ITGB3: variants seen among roughly 807,000 people sequenced by gnomAD.
The protein encoded by ITGB3 is integrin subunit beta 3.
In ITGB3, 48 loss-of-function variants were observed where a neutral mutation model predicts 85.8. That is an observed-to-expected ratio of 0.56 (90% CI 0.44 to 0.71). The LOEUF is 0.71. Ranked by LOEUF, ITGB3 falls within the 30% of genes least tolerant of loss-of-function variation. ITGB3 has a pLI of 0.00. For synonymous variants in ITGB3, 363 were observed against 395.6 expected, an observed-to-expected ratio of 0.92 and a Z score of 0.98; for missense variants, 861 against 1,019.1, an observed-to-expected ratio of 0.84 and a Z score of 2.11.
At chr17:47,296,609 G>A (rs1476187967) in intron 10 of ITGB3, among the ~76,000 whole-genome samples, 1 of 152,132 alleles carries the variant, frequency 6.6e-6, no homozygotes, top group East Asian at 1.9e-4. Flanking sequence ...CAACTGGGAG[G>A]AAGGAGCTAT....
In ITGB3 at chr17:47,303,158, G is replaced by A. The variant is rs182272524; in HGVS notation, c.2134+318G>A. Among the ~76,000 whole-genome samples the A allele has an allele frequency of 6.9e-3, 1,052 of 152,234 alleles. 15 individuals carry two copies. Among genetic ancestry groups the A allele is most frequent in the African/African-American group, 0.024 (1,017 of 41,534 alleles). ...CCAGCTCCTTGGGAGGCTGAGGCAG[G>A]AGACTCACTTGAACCCGGGAGGCAC... On this transcript the variant is annotated intron_variant, in intron 13 of 14. Transcript: ENST00000559488.
intron 14 of ITGB3, among the ~76,000 whole-genome samples, chr17:47,308,791 G>A (rs9674670): frequency 0.46 from 69,422 of 152,086 alleles, 16,227 homozygotes; most frequent in African/African-American, 0.48. Context: ...GAGCCACTGC[G>A]CCTGGCTAAG....
At chr17:47,298,930 G>A (rs745791077) in intron 10 of ITGB3, among the ~76,000 whole-genome samples, 7 of 152,200 alleles carry the variant, frequency 4.6e-5, no homozygotes, top group Non-Finnish European at 2.9e-5. Context: ...AAACTAGAAG[G>A]GCTAAAGAGC....
intron 1 of ITGB3, among the ~76,000 whole-genome samples, chr17:47,254,861 C>G (rs1019319450): frequency 6.6e-6 from 1 of 152,182 alleles, no homozygotes; most frequent in Non-Finnish European, 1.5e-5. Context: ...CTGGGGCCGC[C>G]TCTGCCTCAG....
intron 1 of ITGB3, among the ~76,000 whole-genome samples, chr17:47,256,567 A>G (rs1311469081): frequency 6.6e-6 from 1 of 151,610 alleles, no homozygotes; most frequent in African/African-American, 2.4e-5. Flanking sequence ...GGGGAAGCAG[A>G]TGGTGGGATG....
chr17:47,271,271 A>G (rs2065043422), intron 1 of ITGB3, among the ~76,000 whole-genome samples: 2 of 152,102 alleles, frequency 1.3e-5, no homozygotes, highest in Admixed American at 6.6e-5. Context: ...ATTCTGTTAG[A>G]CCTCCTGTCC....
intron 2 of ITGB3, among the ~76,000 whole-genome samples, chr17:47,275,535 CACA>C (rs757189876): frequency 2.6e-5 from 4 of 152,234 alleles, no homozygotes; most frequent in Non-Finnish European, 5.9e-5. Context: ...TCCTCTGTCC[CACA>C]ACAAGTCCCA....
At chr17:47,278,081 C>T (rs1567762826) in intron 2 of ITGB3, among the ~76,000 whole-genome samples, 1 of 152,140 alleles carries the variant, frequency 6.6e-6, no homozygotes, top group Non-Finnish European at 1.5e-5. Context: ...AACAAAAATG[C>T]TTCATGTTCC....
chr17:47,272,405 CT>C (rs908153657), intron 1 of ITGB3, among the ~76,000 whole-genome samples: 19 of 151,506 alleles, frequency 1.3e-4, no homozygotes, highest in African/African-American at 4.4e-4. Context: ...AATTATTTCC[CT>C]TTTTTTTGAG....
intron 1 of ITGB3, among the ~76,000 whole-genome samples, chr17:47,266,969 G>A (rs1039773506): frequency 3.3e-5 from 5 of 152,190 alleles, no homozygotes; most frequent in South Asian, 2.1e-4. Flanking sequence ...ACGCTCCCAC[G>A]ACTCCTTCTG....
chr17:47,291,329 A>G, intron 9 of ITGB3: 1 of 605,510 alleles, frequency 1.7e-6, no homozygotes, highest in South Asian at 2.0e-5. Flanking sequence ...AATTTGAAAA[A>G]CTTACAATTT....
At chr17:47,263,519 T>A (rs2143039309) in intron 1 of ITGB3, among the ~76,000 whole-genome samples, 1 of 123,870 alleles carries the variant, frequency 8.1e-6, no homozygotes, top group South Asian at 2.9e-4. Flanking sequence ...AGGCAGAGTC[T>A]CACTCCATCA....
chr17:47,308,253 A>G (rs1006074793), intron 14 of ITGB3, among the ~76,000 whole-genome samples: 43 of 151,810 alleles, frequency 2.8e-4, no homozygotes, highest in African/African-American at 1.0e-3. Flanking sequence ...TTCCAATTAA[A>G]TAAGCATTTA....
At chr17:47,261,385 T>C (rs994311905) in intron 1 of ITGB3, among the ~76,000 whole-genome samples, 1 of 152,074 alleles carries the variant, frequency 6.6e-6, no homozygotes, top group African/African-American at 2.4e-5. Context: ...TACCAGTTCC[T>C]TGTAGTCTTG....
chr17:47,289,653 T>C (rs2065117568), intron 6 of ITGB3, 28 bp from the exon 7 acceptor site: 1 of 1,517,264 alleles, frequency 6.6e-7, no homozygotes, highest in East Asian at 2.3e-5. Context: ...TGAGACGTCA[T>C]TAACCTCTAC....
chr17:47,287,342 T>G (rs1598691566), intron 6 of ITGB3, 111 bp downstream of exon 6: 5 of 1,285,268 alleles, frequency 3.9e-6, no homozygotes, highest in Non-Finnish European at 5.5e-6. Context: ...CTGGGCAGGG[T>G]GCAGGGCTCG....
chr17:47,298,752 A>G (rs529066309), intron 10 of ITGB3, among the ~76,000 whole-genome samples: 13 of 152,310 alleles, frequency 8.5e-5, no homozygotes, highest in African/African-American at 3.1e-4. Flanking sequence ...GATGACGACA[A>G]TGGTAGTAGG....
chr17:47,284,842 A>C, intron 4 of ITGB3, 147 bp downstream of exon 4: 2 of 1,105,240 alleles, frequency 1.8e-6, no homozygotes, highest in South Asian at 2.7e-5. Context: ...CCTGTTTGGC[A>C]AATGGGCTAG....
rs559147730 is a variant in ITGB3, at chr17:47,291,044, A to G, written c.1216A>G (p.Ile406Val). 6 of 1,614,210 alleles carry G rather than the reference A, an allele frequency of 3.7e-6. No homozygotes were observed. The South Asian group carries it at 6.6e-5, about 18-fold the overall frequency. ...FNATCLNNEV[I>V]PGLKSCMGLK... The stretch of plus-strand genomic sequence containing the variant: ...TGCCACCTGCCTCAACAATGAGGTC[A>G]TCCCTGGCCTCAAGTCTTGTATGGG... Residue 406 changes from isoleucine (I) to valine (V), a missense_variant, in exon 9 of 15, where the codon ATC (isoleucine) becomes GTC (valine). Coordinates refer to ENST00000559488, the MANE Select transcript of ITGB3 (RefSeq NM_000212.3).
Sources: gnomAD v4.1 joint callset for allele counts (sites outside exome capture counted in the v4.1 genomes callset) on GRCh38, gnomAD v4.1.1 for gene constraint, MANE v1.5 for transcripts, NCBI Gene and HGNC (gene_info 2026-07-23, HGNC 2026-07-21) for gene names.